KIAA2012: variants seen among roughly 807,000 people sequenced by gnomAD.
The protein encoded by KIAA2012 is KIAA2012, also known as uncharacterized protein KIAA2012.
Under a neutral mutation model 150.6 loss-of-function variants are expected in KIAA2012, and 125 were observed. The observed-to-expected ratio is 0.83, with a 90% confidence interval of 0.72 to 0.96. The LOEUF (loss-of-function observed/expected upper bound fraction) is 0.96. KIAA2012 is among the 40% of genes least tolerant of loss of function. The pLI is 0.00. For synonymous variants in KIAA2012, 462 were observed against 504.7 expected, an observed-to-expected ratio of 0.92 and a Z score of 1.13; for missense variants, 1,219 against 1,354.9, an observed-to-expected ratio of 0.90 and a Z score of 1.57.
At chr2:202,135,340 T>C (rs919903567) in intron 12 of KIAA2012, among the ~76,000 whole-genome samples, 1 of 152,258 alleles carries the variant, frequency 6.6e-6, no homozygotes. Flanking sequence ...CACCAGTTTC[T>C]GAATGACAAA....
chr2:202,134,209 G>GGTATGTTCCATGTTCCATGCT (rs1656362405), intron 12 of KIAA2012, among the ~76,000 whole-genome samples: 1 of 152,116 alleles, frequency 6.6e-6, no homozygotes, highest in African/African-American at 2.4e-5. Flanking sequence ...CAAGTTATGG[G>GGTATGTTCCATGTTCCATGCT]GTATGTTCCA....
intron 23 of KIAA2012, 139 bp from the exon 24 acceptor site, chr2:202,204,859 C>A (rs1406274908): frequency 6.6e-6 from 1 of 152,176 alleles, no homozygotes; most frequent in Non-Finnish European, 1.5e-5. Flanking sequence ...TTCATTCAAT[C>A]AATTCATTCA....
chr2:202,129,221 A>AC (rs1553556274), intron 12 of KIAA2012, among the ~76,000 whole-genome samples: 1 of 144,594 alleles, frequency 6.9e-6, no homozygotes, highest in East Asian at 2.0e-4. Context: ...AAGTTTCACA[A>AC]TTTTTTTTTT....
intron 10 of KIAA2012, 80 bp downstream of exon 10, chr2:202,109,869 G>C (rs1472714665): frequency 9.9e-6 from 13 of 1,318,392 alleles, no homozygotes; most frequent in Middle Eastern, 2.3e-4. Flanking sequence ...CTGCTATGAT[G>C]TAAGTTTTCT....
intron 2 of KIAA2012, among the ~76,000 whole-genome samples, chr2:202,086,152 A>T (rs1234954963): frequency 1.4e-5 from 2 of 137,956 alleles, no homozygotes; most frequent in Non-Finnish European, 3.1e-5. Context: ...TGGGTGAAAG[A>T]CCGAAACTCT....
intron 15 of KIAA2012, among the ~76,000 whole-genome samples, chr2:202,169,208 G>A (rs527707047): frequency 6.6e-6 from 1 of 152,290 alleles, no homozygotes; most frequent in South Asian, 2.1e-4. Context: ...CCTGGTAAAT[G>A]TTTCCTAAAT....
At chr2:202,093,829 C>T (rs183824965) in intron 4 of KIAA2012, among the ~76,000 whole-genome samples, 1 of 152,268 alleles carries the variant, frequency 6.6e-6, no homozygotes, top group Admixed American at 6.5e-5. Context: ...TTGACACTGT[C>T]AATCCCAATA....
At chr2:202,165,458 A>C in intron 15 of KIAA2012, 102 bp downstream of exon 15, 31 of 1,157,272 alleles carry the variant, frequency 2.7e-5, no homozygotes, top group Non-Finnish European at 3.7e-5. Context: ...ACGGTGGCTC[A>C]CGCCTGTAGT....
chr2:202,179,147 C>T (rs1437366732), intron 15 of KIAA2012: 12 of 475,272 alleles, frequency 2.5e-5, no homozygotes, highest in African/African-American at 1.4e-4. Context: ...TTTTAATATT[C>T]ATCTTCCCCA....
intron 19 of KIAA2012, among the ~76,000 whole-genome samples, chr2:202,192,913 G>A (rs1482793706): frequency 6.6e-6 from 1 of 152,182 alleles, no homozygotes; most frequent in Non-Finnish European, 1.5e-5. Context: ...GCTGCACCCA[G>A]CCACAAGTAA....
intron 11 of KIAA2012, among the ~76,000 whole-genome samples, chr2:202,123,001 A>C (rs1690691267): frequency 6.6e-6 from 1 of 152,108 alleles, no homozygotes; most frequent in Non-Finnish European, 1.5e-5. Context: ...CAGCACACAG[A>C]AAAAAATAGA....
At chr2:202,183,200 G>A (rs1188250566) in intron 15 of KIAA2012, among the ~76,000 whole-genome samples, 4 of 151,972 alleles carry the variant, frequency 2.6e-5, no homozygotes, top group South Asian at 2.1e-4. Context: ...CGGGCGGATC[G>A]CTTGAGCCCA....
At chr2:202,098,157 C>T (rs547312696) in intron 5 of KIAA2012, among the ~76,000 whole-genome samples, 9 of 152,254 alleles carry the variant, frequency 5.9e-5, no homozygotes, top group South Asian at 2.1e-4. Flanking sequence ...GCCAGGAGTT[C>T]GAGACCAGCC....
chr2:202,122,843 G>A (rs1216763051), intron 11 of KIAA2012, among the ~76,000 whole-genome samples: 2 of 152,114 alleles, frequency 1.3e-5, no homozygotes, highest in Non-Finnish European at 2.9e-5. Context: ...AGTTAAGAAG[G>A]TTGTTTCGGA....
intron 5 of KIAA2012, among the ~76,000 whole-genome samples, chr2:202,099,242 G>A (rs545210892): frequency 4.3e-4 from 65 of 151,920 alleles, no homozygotes; most frequent in Non-Finnish European, 7.5e-4. Context: ...CTCCTGCCTC[G>A]GCCTCCCAAA....
intron 21 of KIAA2012, among the ~76,000 whole-genome samples, chr2:202,194,845 T>G (rs755322244): frequency 1.3e-5 from 2 of 152,196 alleles, no homozygotes; most frequent in African/African-American, 2.4e-5. Context: ...CTCAGCTCAC[T>G]GCAACCTCTG....
At chr2:202,192,511 G>A (rs936205099) in intron 19 of KIAA2012, among the ~76,000 whole-genome samples, 2 of 147,732 alleles carry the variant, frequency 1.4e-5, no homozygotes, top group Non-Finnish European at 3.0e-5. Flanking sequence ...AGGCTGGAGT[G>A]CAATGGCGCA....
At chr2:202,193,189 C>G in intron 19 of KIAA2012, 112 bp from the exon 20 acceptor site, 1 of 1,099,914 alleles carries the variant, frequency 9.1e-7, no homozygotes, top group Non-Finnish European at 1.3e-6. Context: ...AGTGTGGAGT[C>G]TGTTTTATGA....
At chr2:202,151,355 C>T (rs967777617) in intron 13 of KIAA2012, among the ~76,000 whole-genome samples, 4 of 152,014 alleles carry the variant, frequency 2.6e-5, no homozygotes, top group Non-Finnish European at 5.9e-5. Context: ...CAAGATTGCG[C>T]CACTGCACTC....
Sources: gnomAD v4.1 joint callset for allele counts (sites outside exome capture counted in the v4.1 genomes callset) on GRCh38, gnomAD v4.1.1 for gene constraint, MANE v1.5 for transcripts, NCBI Gene and HGNC (gene_info 2026-07-23, HGNC 2026-07-21) for gene names.